Variants in PIK3R5 observed in about 807,000 individuals in gnomAD.
PIK3R5 encodes phosphoinositide 3-kinase regulatory subunit 5.
PIK3R5 carries 32 observed loss-of-function variants against 94.9 expected under a neutral mutation model. That is an observed-to-expected ratio of 0.34 (90% CI 0.25 to 0.45). PIK3R5 has a LOEUF of 0.45. Ranked by LOEUF, PIK3R5 falls within the 20% of genes least tolerant of loss-of-function variation. The probability of loss-of-function intolerance (pLI) is 1.00; values close to 1 mark genes in which losing one functional copy is unlikely to be tolerated. For missense variants in PIK3R5, 853 were observed against 1,144.6 expected (o/e 0.75, Z 3.68); for synonymous variants, 443 against 479.4 (o/e 0.92, Z 0.99).
At chr17:8,942,706 C>T (rs1278950972) in intron 1 of PIK3R5, among the ~76,000 whole-genome samples, 2 of 149,736 alleles carry the variant, frequency 1.3e-5, no homozygotes, top group Non-Finnish European at 3.0e-5. Context: ...CCCGGGTTCA[C>T]GCCATTCTCC....
chr17:8,940,483 T>A (rs935896904), intron 1 of PIK3R5, among the ~76,000 whole-genome samples: 1 of 152,156 alleles, frequency 6.6e-6, no homozygotes, highest in African/African-American at 2.4e-5. Context: ...TGTAACACTT[T>A]CCTGAAGATC....
At chr17:8,938,368 C>CT (rs2091114210) in intron 1 of PIK3R5, among the ~76,000 whole-genome samples, 1 of 152,036 alleles carries the variant, frequency 6.6e-6, no homozygotes, top group Admixed American at 6.6e-5. Flanking sequence ...GTGATTTTTA[C>CT]TTTTTTTCTT....
In PIK3R5 at chr17:8,905,178, C is replaced by G. The variant is rs548403532; in HGVS notation, c.274-263G>C. Among the ~76,000 whole-genome samples, 4 of 55,384 alleles carry G rather than the reference C, an allele frequency of 7.2e-5. No homozygotes were observed. The East Asian group carries it at 1.2e-3, about 17-fold the overall frequency. The allele number at this position is 55,384 out of a possible 152,430, so 36.3% of individuals were successfully genotyped here. The stretch of plus-strand genomic sequence containing the variant: ...GAGTGAGCCTCTCTGAAAGGCTGTC[C>G]CCTTACTGGTAAATGGTGCCATTGC... On this transcript the variant is annotated intron_variant, in intron 4 of 18. Transcript: ENST00000447110.
chr17:8,906,776 G>A (rs2090405748), intron 3 of PIK3R5, among the ~76,000 whole-genome samples: 1 of 151,978 alleles, frequency 6.6e-6, no homozygotes, highest in African/African-American at 2.4e-5. Flanking sequence ...CCAACTACTC[G>A]GGAGGCTGAG....
At chr17:8,928,556 G>A (rs997827064) in intron 1 of PIK3R5, among the ~76,000 whole-genome samples, 33 of 152,278 alleles carry the variant, frequency 2.2e-4, no homozygotes, top group Admixed American at 9.1e-4. Flanking sequence ...GAATGACAGT[G>A]TACTTTTCAT....
intron 1 of PIK3R5, among the ~76,000 whole-genome samples, chr17:8,941,906 T>G (rs1035418049): frequency 3.3e-5 from 5 of 152,242 alleles, no homozygotes; most frequent in African/African-American, 1.2e-4. Context: ...GATCCCCCTA[T>G]TTACTCAGAA....
chr17:8,912,492 C>T (rs1489542808), intron 1 of PIK3R5: 3 of 152,268 alleles, frequency 2.0e-5, no homozygotes, highest in African/African-American at 7.2e-5. Flanking sequence ...AGATAAAATG[C>T]TGTAGCAGAT....
At chr17:8,965,258 G>C (rs1336492322) in intron 1 of PIK3R5, among the ~76,000 whole-genome samples, 1 of 152,238 alleles carries the variant, frequency 6.6e-6, no homozygotes, top group Non-Finnish European at 1.5e-5. Flanking sequence ...AGCGGGCAGG[G>C]GACCTGACCC....
intron 1 of PIK3R5, chr17:8,916,469 G>C (rs1340195437): frequency 6.6e-6 from 1 of 151,870 alleles, no homozygotes; most frequent in Non-Finnish European, 1.5e-5. Flanking sequence ...CTGCTGCCGG[G>C]AATGCCGCCC....
chr17:8,940,040 C>T (rs1162138371), intron 1 of PIK3R5, among the ~76,000 whole-genome samples: 2 of 152,194 alleles, frequency 1.3e-5, no homozygotes, highest in South Asian at 2.1e-4. Context: ...CAGAGAGCTG[C>T]GGGGAGTTTC....
chr17:8,946,227 G>C (rs1479184830), intron 1 of PIK3R5, among the ~76,000 whole-genome samples: 1 of 151,942 alleles, frequency 6.6e-6, no homozygotes, highest in Non-Finnish European at 1.5e-5. Flanking sequence ...CCGAGACCAG[G>C]TCCATCTGGT....
In PIK3R5 at chr17:8,886,257, G is replaced by A. The variant is rs370589648; in HGVS notation, c.2100C>T (p.Ser700=). 1.2e-6 allele frequency: 2 copies of A among 1,613,412 alleles called. No homozygotes were observed. The highest frequency in any genetic ancestry group is 1.7e-6 in the Non-Finnish European group (2 of 1,179,892). Residue 700 remains serine, a synonymous_variant, in exon 14 of 19, where the codon TCC becomes TCT. Transcript: ENST00000447110. ...ACGCCTTGATGGCACGTGTGGCAGC[G>A]GAGTGACCCAGCTCCAAGGAGTGGA... The part of the protein sequence containing the change: ...IFIHSLELGH[S]AATRAIKASG...
At chr17:8,950,755 C>T (rs2091361972) in intron 1 of PIK3R5, among the ~76,000 whole-genome samples, 1 of 152,188 alleles carries the variant, frequency 6.6e-6, no homozygotes. Context: ...GGGTGATGAA[C>T]ACATGTGAGT....
chr17:8,961,649 TA>T (rs371572424), intron 1 of PIK3R5, among the ~76,000 whole-genome samples: 2,664 of 150,744 alleles, frequency 0.018, 87 homozygotes, highest in African/African-American at 0.06. Context: ...AATAATAATT[TA>T]AAAAAAAATG....
chr17:8,935,643 C>G lies in PIK3R5; in HGVS notation c.-13-24136G>C, dbSNP rs976848792. Among the ~76,000 whole-genome samples the G allele has an allele frequency of 6.6e-6, 1 of 152,150 alleles. No individual in the cohort carries two copies. The highest frequency in any genetic ancestry group is 1.5e-5 in the Non-Finnish European group (1 of 68,038). On this transcript the variant is annotated intron_variant, in intron 1 of 18. Coordinates refer to ENST00000447110, the MANE Select transcript of PIK3R5 (RefSeq NM_001142633.3). The surrounding 1 kb of genome is among the most constrained non-coding windows in gnomAD (Gnocchi z 4.5). ...ACATTGTGCTCTCCCCTCACCCTAT[C>G]CCCATGCTAAATAAGAAGGCAACCA...
rs558679771 is a variant in PIK3R5 at position 8,922,693 on chromosome 17, G to C, written c.-13-11186C>G. On this transcript the variant is annotated intron_variant, in intron 1 of 18. Transcript: ENST00000447110. ...GATTCATTCTCCTTGGGTTAGGGCT[G>C]TTCACTTCCTCTGTCCTAGCTTATT... Among the ~76,000 whole-genome samples, 419 of 152,220 alleles carry C rather than the reference G, an allele frequency of 2.8e-3. 2 individuals carry two copies. Among genetic ancestry groups the C allele is most frequent in the African/African-American group, 9.2e-3 (382 of 41,530 alleles).
In PIK3R5 at chr17:8,904,803, A is replaced by C; in HGVS notation, c.386T>G (p.Phe129Cys). 1 of 1,614,132 alleles carries C rather than the reference A, an allele frequency of 6.2e-7. No individual in the cohort carries two copies. Among genetic ancestry groups the C allele is most frequent in the Non-Finnish European group, 8.5e-7 (1 of 1,180,020 alleles). The change falls in exon 5 of 19, where the codon TTC (phenylalanine) becomes TGC (cysteine). Residue 129 changes from phenylalanine (F) to cysteine (C), a missense_variant. This residue lies in a region of PIK3R5 where 108 missense variants were observed against 170.1 expected (regional missense o/e 0.63). Transcript: ENST00000447110. This position sits in a 1 kb window ranked among gnomAD's most constrained non-coding sequence, Gnocchi z 5.1. ...TGGGGCCTTGAGTTCAGCATCAATG[A>C]AGGTGAGCAGCTCCTGGCAGATGCT... Reference protein sequence around the residue: ...YCSICQELLTFIDAELKAPGI... With the variant: ...YCSICQELLTCIDAELKAPGI...
intron 1 of PIK3R5, among the ~76,000 whole-genome samples, chr17:8,957,861 G>T (rs1410281694): frequency 1.3e-5 from 2 of 152,176 alleles, no homozygotes; most frequent in Admixed American, 1.3e-4. Flanking sequence ...CGTTCTCCCA[G>T]CTTCCAAGGA....
intron 1 of PIK3R5, among the ~76,000 whole-genome samples, chr17:8,947,311 C>T (rs1271993193): frequency 6.6e-6 from 1 of 152,118 alleles, no homozygotes; most frequent in Admixed American, 6.5e-5. Flanking sequence ...AGATTACTGT[C>T]CTATCTTCTG....
Sources: gnomAD v4.1 joint callset for allele counts (sites outside exome capture counted in the v4.1 genomes callset) on GRCh38, gnomAD v4.1.1 for gene constraint, gnomAD v4.1.1 regional missense constraint, Gnocchi (gnomAD v3.1) non-coding constraint, MANE v1.5 for transcripts, NCBI Gene and HGNC (gene_info 2026-07-23, HGNC 2026-07-21) for gene names.